Variants in MYO1B observed in about 807,000 individuals in gnomAD.
MYO1B encodes myosin IB.
A neutral mutation model predicts 159.7 loss-of-function variants in MYO1B; 72 were observed. The ratio of observed to expected loss-of-function variants is 0.45; its 90% CI spans 0.37 to 0.55. MYO1B has a LOEUF of 0.55. Ranked by LOEUF, MYO1B falls within the 20% of genes least tolerant of loss-of-function variation. MYO1B has a pLI of 0.00. For missense variants in MYO1B, 1,062 were observed against 1,364.8 expected, an observed-to-expected ratio of 0.78 and a Z score of 3.50; for synonymous variants, 468 against 473.8, an observed-to-expected ratio of 0.99 and a Z score of 0.16.
At chr2:191,418,384 A>T (rs1371374266) in intron 30 of MYO1B, among the ~76,000 whole-genome samples, 1 of 151,774 alleles carries the variant, frequency 6.6e-6, no homozygotes, top group Non-Finnish European at 1.5e-5. Context: ...CCAGAAGTAG[A>T]AGTAGTTACT....
At chr2:191,382,339 T>C (rs2126073972) in intron 14 of MYO1B, among the ~76,000 whole-genome samples, 1 of 152,338 alleles carries the variant, frequency 6.6e-6, no homozygotes, top group South Asian at 2.1e-4. Context: ...ATTTTTCTAA[T>C]GTGATTGTTA....
At chr2:191,286,303 AAAAC>A (rs1688365761) in intron 2 of MYO1B, among the ~76,000 whole-genome samples, 1 of 152,136 alleles carries the variant, frequency 6.6e-6, no homozygotes, top group African/African-American at 2.4e-5. Context: ...CTATGTCTAA[AAAAC>A]AACCAAAGTG....
intron 13 of MYO1B, chr2:191,377,813 C>T (rs1490158637): frequency 6.6e-6 from 1 of 152,008 alleles, no homozygotes; most frequent in South Asian, 2.1e-4. Context: ...TGAACAATGC[C>T]ATCAACTTCA....
intron 2 of MYO1B, among the ~76,000 whole-genome samples, chr2:191,285,750 G>A (rs1186193207): frequency 6.6e-6 from 1 of 152,154 alleles, no homozygotes; most frequent in Non-Finnish European, 1.5e-5. Flanking sequence ...AACAAGGGGA[G>A]AAGCAGAGAC....
chr2:191,247,959 T>C (rs1685885684), intron 1 of MYO1B: 17 of 985,316 alleles, frequency 1.7e-5, no homozygotes, highest in South Asian at 9.4e-5. Context: ...TGCACAGTTA[T>C]GCAAAGCAAG....
intron 15 of MYO1B, among the ~76,000 whole-genome samples, chr2:191,384,047 C>T (rs923168587): frequency 3.3e-5 from 5 of 152,144 alleles, no homozygotes; most frequent in African/African-American, 1.2e-4. Flanking sequence ...TGGAATTTTT[C>T]GGATGACCCA....
At chr2:191,272,375 A>C (rs1574308923) in intron 1 of MYO1B, among the ~76,000 whole-genome samples, 1 of 152,220 alleles carries the variant, frequency 6.6e-6, no homozygotes, top group East Asian at 1.9e-4. Context: ...ACATGGTCTG[A>C]TAATTTCTTT....
chr2:191,418,768 C>T (rs143293753), intron 30 of MYO1B, among the ~76,000 whole-genome samples: 1,913 of 152,238 alleles, frequency 0.013, 22 homozygotes, highest in Middle Eastern at 0.024. Context: ...GGATTACAGG[C>T]GTGAGCCACC....
intron 19 of MYO1B, among the ~76,000 whole-genome samples, chr2:191,392,787 C>T (rs1170971979): frequency 6.6e-6 from 1 of 152,092 alleles, no homozygotes; most frequent in African/African-American, 2.4e-5. Flanking sequence ...TAATTTGCAT[C>T]CTCATAGACA....
chr2:191,257,709 G>A (rs924125959), intron 1 of MYO1B, among the ~76,000 whole-genome samples: 4 of 152,212 alleles, frequency 2.6e-5, no homozygotes, highest in Admixed American at 2.0e-4. Context: ...AAAGAAGGTA[G>A]TGGGTTACAG....
At chr2:191,297,286 C>T (rs1415422566) in intron 3 of MYO1B, among the ~76,000 whole-genome samples, 1 of 152,218 alleles carries the variant, frequency 6.6e-6, no homozygotes, top group Non-Finnish European at 1.5e-5. Flanking sequence ...CCAGAATTCA[C>T]GTACTTATGA....
At chr2:191,331,143 C>CT (rs573968023) in intron 4 of MYO1B, among the ~76,000 whole-genome samples, 406 of 152,194 alleles carry the variant, frequency 2.7e-3, no homozygotes, top group African/African-American at 9.3e-3. Flanking sequence ...GTCCAGCCCC[C>CT]TTTCTTGAGC....
chr2:191,310,159 G>A (rs1481125662), intron 3 of MYO1B, among the ~76,000 whole-genome samples: 2 of 152,180 alleles, frequency 1.3e-5, no homozygotes, highest in South Asian at 2.1e-4. Flanking sequence ...AGAAAAATTG[G>A]TGGGTTCAGA....
intron 21 of MYO1B, among the ~76,000 whole-genome samples, chr2:191,399,298 AGGG>A (rs1696452702): frequency 7.1e-6 from 1 of 140,098 alleles, no homozygotes; most frequent in Non-Finnish European, 1.6e-5. Flanking sequence ...GGAGAGGGAG[AGGG>A]AGAGGGAGAG....
At chr2:191,389,202 G>A (rs1695589530) in intron 17 of MYO1B, among the ~76,000 whole-genome samples, 1 of 152,200 alleles carries the variant, frequency 6.6e-6, no homozygotes, top group Admixed American at 6.5e-5. Context: ...AATGGTAAAA[G>A]AGAAAGCATA....
chr2:191,395,072 G>A (rs999098443), intron 20 of MYO1B, among the ~76,000 whole-genome samples: 12 of 152,028 alleles, frequency 7.9e-5, no homozygotes, highest in East Asian at 3.8e-4. Flanking sequence ...AAGTTATTCC[G>A]TATTTTGTAA....
At chr2:191,255,887 A>G (rs921770309) in intron 1 of MYO1B, among the ~76,000 whole-genome samples, 1 of 152,166 alleles carries the variant, frequency 6.6e-6, no homozygotes, top group African/African-American at 2.4e-5. Flanking sequence ...CTGCACTAAT[A>G]GACGGGGTCC....
chr2:191,360,964 A>C (rs1332399024), intron 8 of MYO1B, among the ~76,000 whole-genome samples: 5 of 152,194 alleles, frequency 3.3e-5, no homozygotes, highest in African/African-American at 1.2e-4. Flanking sequence ...TCTTTAAAAC[A>C]TACTCCATAT....
At chr2:191,390,986 C>T (rs1296564217) in intron 18 of MYO1B, among the ~76,000 whole-genome samples, 1 of 152,228 alleles carries the variant, frequency 6.6e-6, no homozygotes, top group South Asian at 2.1e-4. Flanking sequence ...TAGCTTGGAC[C>T]CAGGGCCATA....
Sources: allele counts gnomAD v4.1 joint callset (sites outside exome capture counted in the v4.1 genomes callset), GRCh38; gene constraint gnomAD v4.1.1; transcripts MANE v1.5; gene names NCBI Gene and HGNC (gene_info 2026-07-23, HGNC 2026-07-21).